The following PKNOX2 variants were observed in gnomAD, a reference collection of about 807,000 sequenced individuals.
PKNOX2 encodes the protein PBX/knotted 1 homeobox 2, also known as homeobox protein PKNOX2.
A neutral mutation model predicts 53.1 loss-of-function variants in PKNOX2; 14 were observed. The observed-to-expected ratio is 0.26, with a 90% CI of 0.17 to 0.41. PKNOX2 has a LOEUF of 0.41. Among genes scored for constraint, PKNOX2 ranks in the 10% least tolerant of loss-of-function variants. The pLI is 1.00. For missense variants in PKNOX2, 496 were observed against 602.8 expected (o/e 0.82, Z 1.85); for synonymous variants, 257 against 242.8 (o/e 1.06, Z -0.54).
At chr11:125,324,777 A>G (rs577566330) in intron 2 of PKNOX2, among the ~76,000 whole-genome samples, 1 of 152,244 alleles carries the variant, frequency 6.6e-6, no homozygotes, top group African/African-American at 2.4e-5. Flanking sequence ...ACCAAGATGC[A>G]CTTACCTTCA....
intron 2 of PKNOX2, among the ~76,000 whole-genome samples, chr11:125,308,675 C>A (rs1186414174): frequency 7.3e-6 from 1 of 136,392 alleles, no homozygotes; most frequent in Non-Finnish European, 1.5e-5. Context: ...CCGTGGAGGT[C>A]ACCTGGTTTA....
intron 3 of PKNOX2, among the ~76,000 whole-genome samples, chr11:125,348,694 A>C (rs1467628184): frequency 3.3e-5 from 5 of 152,164 alleles, no homozygotes; most frequent in Non-Finnish European, 7.4e-5. Flanking sequence ...GCGCCTCTAA[A>C]ATGACCCTGC....
At chr11:125,195,160 A>G (rs561880419) in intron 1 of PKNOX2, among the ~76,000 whole-genome samples, 6 of 152,136 alleles carry the variant, frequency 3.9e-5, no homozygotes, top group Non-Finnish European at 7.4e-5. Context: ...GAGGGCATTC[A>G]TTATGACCGT....
chr11:125,251,488 G>C (rs954579135), intron 2 of PKNOX2, among the ~76,000 whole-genome samples: 3 of 152,120 alleles, frequency 2.0e-5, no homozygotes, highest in African/African-American at 7.2e-5. Flanking sequence ...ACTTTTCAGC[G>C]ACAAAGATGT....
At position 125,231,740 on chromosome 11, in the gene PKNOX2, GGAGA is replaced by G. The variant is rs138483734; in HGVS notation, c.-200-3296_-200-3293del. Among the ~76,000 whole-genome samples the G allele has an allele frequency of 7.1e-3, 1,082 of 151,944 alleles. 17 individuals are homozygous for G. The highest frequency in any genetic ancestry group is 0.024 in the African/African-American group (996 of 41,274). ...GTGTGGGGGGTGTGTGTGTGTGTGTGGAGAGAGAGAGAAAATGATGCTCCGTTTC... is the reference window on the plus strand; with the variant it reads ...GTGTGGGGGGTGTGTGTGTGTGTGTGGAGAGAGAAAATGATGCTCCGTTTC... On this transcript the variant is annotated intron_variant, in intron 1 of 12. Transcript: ENST00000298282.
chr11:125,385,146 A>G (rs1953533626), intron 5 of PKNOX2, among the ~76,000 whole-genome samples: 1 of 152,192 alleles, frequency 6.6e-6, no homozygotes, highest in Admixed American at 6.5e-5. Context: ...GAATGGATCT[A>G]TGACCTACCA....
intron 2 of PKNOX2, among the ~76,000 whole-genome samples, chr11:125,313,438 G>GTCTGACTCA (rs1948955387): frequency 6.6e-6 from 1 of 152,202 alleles, no homozygotes; most frequent in African/African-American, 2.4e-5. Flanking sequence ...CAGAAACCAG[G>GTCTGACTCA]TCTGACTCAT....
At chr11:125,294,907 CTG>C (rs1406884977) in intron 2 of PKNOX2, among the ~76,000 whole-genome samples, 1 of 152,194 alleles carries the variant, frequency 6.6e-6, no homozygotes, top group Admixed American at 6.5e-5. Context: ...TGAGGCATGA[CTG>C]TGCAGAGGAG....
At chr11:125,325,775 C>T (rs1398312823) in intron 2 of PKNOX2, among the ~76,000 whole-genome samples, 1 of 152,158 alleles carries the variant, frequency 6.6e-6, no homozygotes, top group African/African-American at 2.4e-5. Flanking sequence ...GCTAGGAAAA[C>T]AGAAACCTAG....
At position 125,166,960 on chromosome 11, in the gene PKNOX2, G is replaced by A. The variant is rs943717266; in HGVS notation, c.-201+2184G>A. Among the ~76,000 whole-genome samples, 5 of 152,170 alleles carry A rather than the reference G, an allele frequency of 3.3e-5. No individual in the cohort carries two copies. Among genetic ancestry groups the A allele is most frequent in the Non-Finnish European group, 5.9e-5 (4 of 68,034 alleles). Reference sequence around the variant, plus strand: ...AATGATGGTGTTCAAACATAACACGGTGTATTACCCAAAGCCCCTGCCCTT... The same window carrying A: ...AATGATGGTGTTCAAACATAACACGATGTATTACCCAAAGCCCCTGCCCTT... On this transcript the variant is annotated intron_variant, in intron 1 of 12. Transcript: ENST00000298282. The surrounding 1 kb of genome is among the most constrained non-coding windows in gnomAD (Gnocchi z 4.0).
At chr11:125,279,776 G>T (rs1014081932) in intron 2 of PKNOX2, among the ~76,000 whole-genome samples, 4 of 152,206 alleles carry the variant, frequency 2.6e-5, no homozygotes, top group Non-Finnish European at 5.9e-5. Flanking sequence ...CTGCCTTTCA[G>T]CCCTTCTCTC....
chr11:125,185,008 C>T (rs577783144), intron 1 of PKNOX2, among the ~76,000 whole-genome samples: 2 of 152,306 alleles, frequency 1.3e-5, no homozygotes, highest in Admixed American at 1.3e-4. Context: ...TCACTGTTTA[C>T]CATTTTGTGT....
chr11:125,430,037 A>G lies in PKNOX2; in HGVS notation c.1088A>G (p.Lys363Arg). The G allele has an allele frequency of 1.2e-6, 2 of 1,614,204 alleles. No individual in the cohort carries two copies. The highest frequency in any genetic ancestry group is 1.7e-6 in the Non-Finnish European group (2 of 1,180,032). ...ASNPDPAPKAKKIKSQHRPTQ... is the reference protein window; with the variant it reads ...ASNPDPAPKARKIKSQHRPTQ... Reference sequence around the variant, plus strand: ...AACCCAGATCCTGCCCCCAAAGCCAAGAAGATCAAGTCTCAGCACCGGCCC... The same window carrying G: ...AACCCAGATCCTGCCCCCAAAGCCAGGAAGATCAAGTCTCAGCACCGGCCC... Residue 363 changes from lysine to arginine, a missense_variant, in exon 12 of 13, where the codon AAG becomes AGG. Physicochemically the swap from Lys to Arg is conservative, Grantham distance 26. This residue lies in a region of PKNOX2 where 139 missense variants were observed against 161.3 expected (regional missense o/e 0.86). Transcript: ENST00000298282.
intron 2 of PKNOX2, among the ~76,000 whole-genome samples, chr11:125,290,680 A>G (rs987333670): frequency 1.3e-5 from 2 of 152,208 alleles, no homozygotes; most frequent in African/African-American, 2.4e-5. Context: ...AACAAACACT[A>G]GGTCCTGAGC....
intron 1 of PKNOX2, among the ~76,000 whole-genome samples, chr11:125,222,510 T>C (rs888213535): frequency 6.6e-6 from 1 of 152,234 alleles, no homozygotes; most frequent in African/African-American, 2.4e-5. Flanking sequence ...GGCTGGCCTC[T>C]GCTCTTTCCA....
intron 3 of PKNOX2, among the ~76,000 whole-genome samples, chr11:125,347,959 T>A (rs1951073942): frequency 6.6e-6 from 1 of 152,176 alleles, no homozygotes; most frequent in Non-Finnish European, 1.5e-5. Flanking sequence ...GACAGAGCAC[T>A]GGGGCCTCTG....
chr11:125,344,750 G>T (rs1950884099), intron 3 of PKNOX2, among the ~76,000 whole-genome samples: 1 of 152,198 alleles, frequency 6.6e-6, no homozygotes, highest in East Asian at 1.9e-4. Flanking sequence ...ACCCGGAGGG[G>T]CAGTAGGGAA....
chr11:125,309,130 C>CCTTCCTTCCTTCCTTCCTTCCTTCCTTT (rs1011481853), intron 2 of PKNOX2, among the ~76,000 whole-genome samples: 1 of 148,538 alleles, frequency 6.7e-6, no homozygotes, highest in African/African-American at 2.6e-5. Context: ...ATTACCTCTT[C>CCTTCCTTCCTTCCTTCCTTCCTTCCTTT]CTTTCTTTCT....
At chr11:125,238,891 C>G (rs60488950) in intron 2 of PKNOX2, among the ~76,000 whole-genome samples, 1 of 152,282 alleles carries the variant, frequency 6.6e-6, no homozygotes, top group East Asian at 1.9e-4. Context: ...TGAAGCCCAG[C>G]CTTGGCACCC....
Sources: gnomAD v4.1 joint callset for allele counts (sites outside exome capture counted in the v4.1 genomes callset) on GRCh38, gnomAD v4.1.1 for gene constraint, gnomAD v4.1.1 regional missense constraint, Gnocchi (gnomAD v3.1) non-coding constraint, MANE v1.5 for transcripts, NCBI Gene and HGNC (gene_info 2026-07-23, HGNC 2026-07-21) for gene names.